The following PARD3B variants were observed in gnomAD, a reference collection of about 807,000 sequenced individuals.
PARD3B encodes par-3 family cell polarity regulator beta.
Under a neutral mutation model 130.2 loss-of-function variants are expected in PARD3B, and 103 were observed. The observed-to-expected ratio is 0.79, with a 90% CI of 0.67 to 0.93. PARD3B has a LOEUF of 0.93. Ranked by LOEUF, PARD3B falls within the 40% of genes least tolerant of loss-of-function variation. PARD3B has a pLI of 0.00. For missense variants in PARD3B, 1,609 were observed against 1,499.2 expected, an observed-to-expected ratio of 1.07 and a Z score of -1.21; for synonymous variants, 583 against 553.2, an observed-to-expected ratio of 1.05 and a Z score of -0.76.
chr2:204,861,547 T>G (rs2045203586), intron 2 of PARD3B, among the ~76,000 whole-genome samples: 1 of 152,150 alleles, frequency 6.6e-6, no homozygotes, highest in African/African-American at 2.4e-5. Flanking sequence ...TGCTACTGAA[T>G]TGAGATCAAA....
intron 1 of PARD3B, among the ~76,000 whole-genome samples, chr2:204,620,262 C>T (rs1222474702): frequency 6.6e-6 from 1 of 152,138 alleles, no homozygotes; most frequent in Non-Finnish European, 1.5e-5. Flanking sequence ...TTGGGCCACC[C>T]AAAGTGCTGG....
At chr2:205,036,248 T>A (rs181218673) in intron 3 of PARD3B, among the ~76,000 whole-genome samples, 2 of 146,540 alleles carry the variant, frequency 1.4e-5, no homozygotes, top group African/African-American at 5.0e-5. Context: ...TATATAAATA[T>A]ATGTATATAG....
rs2039352913 is a variant in PARD3B at position 205,241,562 on chromosome 2, A to C, written c.2141-4216A>C. On this transcript the variant is annotated intron_variant, in intron 15 of 22. Coordinates refer to ENST00000406610, the MANE Select transcript of PARD3B (RefSeq NM_001302769.2). The surrounding 1 kb of genome is among the most constrained non-coding windows in gnomAD (Gnocchi z 4.2). ...GAAGGATAAGAAAGGGAATGAAATA[A>C]CCTTTAAATACAAATACTTTTTTAA... Among the ~76,000 whole-genome samples the C allele has an allele frequency of 6.6e-6, 1 of 152,170 alleles. No individual in the cohort carries two copies. Among genetic ancestry groups the C allele is most frequent in the African/African-American group, 2.4e-5 (1 of 41,446 alleles).
chr2:205,477,016 A>G (rs537095674), intron 20 of PARD3B, among the ~76,000 whole-genome samples: 2 of 152,280 alleles, frequency 1.3e-5, no homozygotes, highest in Admixed American at 1.3e-4. Context: ...TTCCAAATTG[A>G]TTCTATGTGA....
At chr2:205,235,910 A>C (rs2039041500) in intron 15 of PARD3B, among the ~76,000 whole-genome samples, 1 of 152,330 alleles carries the variant, frequency 6.6e-6, no homozygotes, top group Non-Finnish European at 1.5e-5. Context: ...AATTTGGTAA[A>C]GTCATAGAAA....
intron 18 of PARD3B, among the ~76,000 whole-genome samples, chr2:205,369,377 G>T (rs1027099093): frequency 1.3e-5 from 2 of 152,090 alleles, no homozygotes; most frequent in Admixed American, 1.3e-4. Context: ...CCTCCACCCA[G>T]CATCTTTCTC....
chr2:205,019,175 A>G (rs1696400845), intron 3 of PARD3B, among the ~76,000 whole-genome samples: 2 of 152,194 alleles, frequency 1.3e-5, no homozygotes, highest in African/African-American at 4.8e-5. Flanking sequence ...CCACTAATCT[A>G]CTTTCTGTCT....
At chr2:205,232,176 A>G (rs2038870278) in intron 15 of PARD3B, among the ~76,000 whole-genome samples, 2 of 152,248 alleles carry the variant, frequency 1.3e-5, no homozygotes, top group Admixed American at 6.5e-5. Flanking sequence ...AGGGCTAAGC[A>G]CAGTGGCTCA....
intron 2 of PARD3B, among the ~76,000 whole-genome samples, chr2:204,875,872 A>G (rs1181971534): frequency 6.6e-6 from 1 of 152,244 alleles, no homozygotes; most frequent in East Asian, 1.9e-4. Context: ...TGAAGAATAA[A>G]TAAGAAACAT....
chr2:204,859,666 G>C (rs1251812136), intron 2 of PARD3B, among the ~76,000 whole-genome samples: 5 of 152,184 alleles, frequency 3.3e-5, no homozygotes, highest in Non-Finnish European at 5.9e-5. Context: ...TCGTAGTTGA[G>C]TTATCCTAGG....
intron 3 of PARD3B, among the ~76,000 whole-genome samples, chr2:205,037,591 G>A (rs1010528644): frequency 4.1e-5 from 6 of 147,058 alleles, no homozygotes; most frequent in Middle Eastern, 3.6e-3. Context: ...ATGTACAGTC[G>A]ACTATATATA....
Position 205,301,576 on chromosome 2 carries a change from A to AC in PARD3B, c.2505_2506insC (p.Lys836GlnfsTer26), listed in dbSNP as rs1559638480. ...TGGAAAATAAAGCCAGGAAAGTCAA[A>AC]AAAACGAAAGAGAAGGAGAAGAAAA... On this transcript the variant is annotated frameshift_variant, in exon 18 of 23. Transcript: ENST00000406610. LOFTEE classifies it high-confidence loss of function. The surrounding 1 kb of genome is among the most constrained non-coding windows in gnomAD (Gnocchi z 5.2). The AC allele has an allele frequency of 6.2e-7, 1 of 1,614,118 alleles. No individual in the cohort carries two copies. The highest frequency in any genetic ancestry group is 8.5e-7 in the Non-Finnish European group (1 of 1,180,028).
chr2:204,789,734 T>A (rs1408527232), intron 2 of PARD3B, among the ~76,000 whole-genome samples: 5 of 152,208 alleles, frequency 3.3e-5, no homozygotes, highest in Non-Finnish European at 7.3e-5. Flanking sequence ...ACATTATTCT[T>A]GTCAATATTA....
chr2:204,860,041 T>C (rs2045118115), intron 2 of PARD3B, among the ~76,000 whole-genome samples: 1 of 152,208 alleles, frequency 6.6e-6, no homozygotes, highest in Non-Finnish European at 1.5e-5. Context: ...TTTAATATAA[T>C]CAGGATTAAC....
chr2:205,196,431 A>G (rs11898990), intron 15 of PARD3B, among the ~76,000 whole-genome samples: 30,322 of 152,018 alleles, frequency 0.2, 3,436 homozygotes, highest in African/African-American at 0.31. Flanking sequence ...TCTTTCATTT[A>G]TAAAATATTG....
In PARD3B at chr2:205,067,095, C is replaced by CTTTTTTTTTTTTTTTTTTT. The variant is rs10672449; in HGVS notation, c.504+19416_504+19434dup. Among the ~76,000 whole-genome samples, 94 of 59,708 alleles carry CTTTTTTTTTTTTTTTTTTT rather than the reference C, an allele frequency of 1.6e-3. 10 individuals carry two copies. Among genetic ancestry groups the CTTTTTTTTTTTTTTTTTTT allele is most frequent in the Middle Eastern group, 0.016 (1 of 64 alleles). The allele number at this position is 59,708 out of a possible 152,430, so 39.2% of individuals were successfully genotyped here. ...GCATCTTGCATCCACTTTTACTAGG[C>CTTTTTTTTTTTTTTTTTTT]TTTTTTTTTTTTTTTTTTTTTTTTT... On this transcript the variant is annotated intron_variant, in intron 4 of 22. Coordinates refer to ENST00000406610, the MANE Select transcript of PARD3B (RefSeq NM_001302769.2).
At chr2:204,666,793 T>G (rs886763622) in intron 1 of PARD3B, among the ~76,000 whole-genome samples, 4 of 152,072 alleles carry the variant, frequency 2.6e-5, no homozygotes, top group African/African-American at 9.7e-5. Flanking sequence ...TATGTTGAGA[T>G]GTAAGGTTGG....
intron 13 of PARD3B, among the ~76,000 whole-genome samples, chr2:205,182,058 C>G (rs1321695560): frequency 6.6e-6 from 1 of 152,084 alleles, no homozygotes; most frequent in Non-Finnish European, 1.5e-5. Flanking sequence ...TTTGGGAGGC[C>G]AAGGCAGGCA....
At chr2:205,359,478 A>G (rs560911849) in intron 18 of PARD3B, among the ~76,000 whole-genome samples, 2 of 152,296 alleles carry the variant, frequency 1.3e-5, no homozygotes, top group South Asian at 4.1e-4. Context: ...AGTTGGGTGA[A>G]CAGTAATCCT....
Sources: allele counts gnomAD v4.1 joint callset (sites outside exome capture counted in the v4.1 genomes callset), GRCh38; gene constraint gnomAD v4.1.1; non-coding constraint Gnocchi (gnomAD v3.1); transcripts MANE v1.5; gene names NCBI Gene and HGNC (gene_info 2026-07-23, HGNC 2026-07-21).